Variants in PMPCA observed in about 807,000 individuals in gnomAD.
The protein encoded by PMPCA is mitochondrial-processing peptidase subunit alpha.
PMPCA carries 47 observed loss-of-function variants against 59.3 expected under a neutral mutation model. The ratio of observed to expected loss-of-function variants is 0.79; its 90% CI spans 0.63 to 1.01. PMPCA has a LOEUF of 1.01. Ranked by LOEUF, PMPCA falls within the 50% of genes least tolerant of loss-of-function variation. PMPCA has a pLI of 0.00. For missense variants in PMPCA, 726 were observed against 704.5 expected, an observed-to-expected ratio of 1.03 and a Z score of -0.34; for synonymous variants, 338 against 290.3, an observed-to-expected ratio of 1.16 and a Z score of -1.67.
At chr9:136,416,664 C>T in intron 6 of PMPCA, 2 of 593,462 alleles carry the variant, frequency 3.4e-6, no homozygotes, top group Non-Finnish European at 6.0e-6. Context: ...TTCTTGATTT[C>T]TGAGTCTGCT....
At chr9:136,412,220 G>A (rs772144871) in intron 2 of PMPCA, 21 bp downstream of exon 2, 18 of 1,566,300 alleles carry the variant, frequency 1.1e-5, no homozygotes, top group Admixed American at 6.7e-5. Context: ...TTGTGTTGTC[G>A]TGGGTGGTCC....
chr9:136,420,032 G>T (rs956966181), intron 11 of PMPCA: 3 of 150,380 alleles, frequency 2.0e-5, no homozygotes, highest in African/African-American at 7.4e-5. Flanking sequence ...AGGCTGGAGT[G>T]CAGTGGCATG....
chr9:136,422,025 T>C, intron 12 of PMPCA, 49 bp downstream of exon 12: 2 of 1,569,602 alleles, frequency 1.3e-6, no homozygotes, highest in Non-Finnish European at 1.7e-6. Flanking sequence ...TCGGCCAGGC[T>C]CAGAGGAGGC....
intron 11 of PMPCA, chr9:136,419,884 C>T (rs902264310): frequency 4.6e-5 from 7 of 152,066 alleles, no homozygotes; most frequent in African/African-American, 1.4e-4. Flanking sequence ...CACCATGCGT[C>T]CCTGTTTACT....
At position 136,423,315 on chromosome 9, in the gene PMPCA, C is replaced by G. The variant is rs759794312; in HGVS notation, c.*51C>G. On this transcript the variant is annotated 3_prime_UTR_variant, in exon 13 of 13. Transcript: ENST00000371717. ...AGGGAGCTGCAGCTGGAGCCCGTTC[C>G]CGTGCGTGTTAGTTTGGACACGAAT... 5.1e-6 allele frequency: 8 copies of G among 1,561,376 alleles called. No individual in the cohort carries two copies. In the South Asian group the frequency reaches 9.0e-5, roughly 18 times the overall value.
At chr9:136,417,933 C>A in intron 7 of PMPCA, 84 bp from the exon 8 acceptor site, 1 of 984,592 alleles carries the variant, frequency 1.0e-6, no homozygotes, top group Non-Finnish European at 1.6e-6. Flanking sequence ...TTCTGTGTAA[C>A]CACTCTGAAG....
rs559961748 is a variant in PMPCA, at chr9:136,412,186, T to C, written c.261T>C (p.Phe87=). 1.2e-6 allele frequency: 2 copies of C among 1,612,752 alleles called. No homozygotes were observed. Among genetic ancestry groups the C allele is most frequent in the African/African-American group, 1.3e-5 (1 of 75,032 alleles). Residue 87 remains phenylalanine (F), a synonymous_variant, in exon 2 of 13, where the codon TTT becomes TTC. Coordinates refer to ENST00000371717, the MANE Select transcript of PMPCA (RefSeq NM_015160.3). ...RVASQNKFGQ[F]CTVGILINSG... is the part of the protein sequence containing the mutation. The stretch of plus-strand genomic sequence containing the variant: ...CATCTCAGAATAAGTTTGGACAGTT[T>C]TGTACAGTAGGAAGTAAGTACTGTT...
At chr9:136,418,380 C>T (rs1168346304) in intron 8 of PMPCA, among the ~76,000 whole-genome samples, 175 bp from the exon 9 acceptor site, 3 of 150,094 alleles carry the variant, frequency 2.0e-5, no homozygotes, top group Non-Finnish European at 3.0e-5. Context: ...CATCCGACGG[C>T]GCTCCTGACG....
At chr9:136,414,668 C>T (rs771067274) in intron 5 of PMPCA, 21 bp downstream of exon 5, 7 of 1,520,922 alleles carry the variant, frequency 4.6e-6, no homozygotes, top group Admixed American at 3.3e-5. Context: ...CAGCCGCTGG[C>T]GTTTGAGGTG....
intron 11 of PMPCA, 31 bp downstream of exon 11, chr9:136,419,137 T>C: frequency 6.3e-7 from 1 of 1,591,322 alleles, no homozygotes; most frequent in East Asian, 2.2e-5. Context: ...TTTCCAGGCG[T>C]ACCTGTGGTG....
rs1029217648 is a variant in PMPCA at position 136,421,719 on chromosome 9, CCTTT to C, written c.1264-109_1264-106del. 1.9e-5 allele frequency: 20 copies of C among 1,051,306 alleles called. 1 individual carries two copies. Among genetic ancestry groups the C allele is most frequent in the African/African-American group, 3.2e-5 (2 of 63,176 alleles). The allele number at this position is 1,051,306 out of a possible 1,614,324, so 65.1% of individuals were successfully genotyped here. On this transcript the variant is annotated intron_variant, in intron 11 of 12. Coordinates refer to ENST00000371717, the MANE Select transcript of PMPCA (RefSeq NM_015160.3). Reference sequence around the variant, plus strand: ...GAGCCACTGCGCCCGGCTGCCCTTCCCTTTCTTATGTTCAGCTTTGGGCACAGAG... The same window carrying C: ...GAGCCACTGCGCCCGGCTGCCCTTCCCTTATGTTCAGCTTTGGGCACAGAG...
At chr9:136,417,630 A>G (rs1835319045) in intron 7 of PMPCA, among the ~76,000 whole-genome samples, 1 of 151,682 alleles carries the variant, frequency 6.6e-6, no homozygotes, top group South Asian at 2.1e-4. Flanking sequence ...GCCCGGCTAA[A>G]TTTTGTATAG....
chr9:136,418,438 C>T (rs1477038065), intron 8 of PMPCA, 117 bp from the exon 9 acceptor site: 11 of 731,026 alleles, frequency 1.5e-5, no homozygotes, highest in East Asian at 2.5e-5. Context: ...TGGCGTCCAG[C>T]GGCGCTCCTG....
chr9:136,410,834 C>A, intron 1 of PMPCA, 95 bp downstream of exon 1: 1 of 1,076,872 alleles, frequency 9.3e-7, no homozygotes, highest in Non-Finnish European at 1.2e-6. Context: ...GACATGGCGC[C>A]CGTGGGACGG....
Position 136,421,404 on chromosome 9 carries a change from G to GTTTTTTTGTTTTTTT in PMPCA, c.1264-421_1264-420insGTTTTTTTTTTTTTT, listed in dbSNP as rs780035978. Among the ~76,000 whole-genome samples the GTTTTTTTGTTTTTTT allele has an allele frequency of 7.6e-5, 9 of 118,008 alleles. 1 individual carries two copies. Among genetic ancestry groups the GTTTTTTTGTTTTTTT allele is most frequent in the East Asian group, 2.5e-4 (1 of 3,922 alleles). 77.4% of individuals were successfully genotyped at this position (118,008 alleles called of 152,430 possible). A position where few individuals can be genotyped will look rare whatever the true frequency, so the allele number is the denominator to read the frequency against. ...GCCTGTGACTTGGGCCTGGGTTCCC[G>GTTTTTTTGTTTTTTT]TTTTTTTTTTTTTTTTTTTTTTTGA... On this transcript the variant is annotated intron_variant, in intron 11 of 12. Coordinates refer to ENST00000371717, the MANE Select transcript of PMPCA (RefSeq NM_015160.3).
intron 5 of PMPCA, among the ~76,000 whole-genome samples, chr9:136,415,671 C>A (rs1182634518): frequency 6.6e-6 from 1 of 152,226 alleles, no homozygotes; most frequent in African/African-American, 2.4e-5. Context: ...CTGTCTCTGT[C>A]ACCCAGGCTG....
At chr9:136,416,863 GGCTGCAGATGGGCGCTGGT>G in intron 6 of PMPCA, 69 bp from the exon 7 acceptor site, 1 of 1,289,572 alleles carries the variant, frequency 7.8e-7, no homozygotes, top group Non-Finnish European at 1.1e-6. Flanking sequence ...TCCCAGGGCT[GGCTGCAGATGGGCGCTGGT>G]GCTGCTTGTT....
rs758657485 is a variant in PMPCA, at chr9:136,412,569, G to A, written c.354G>A (p.Ser118=). 5 of 1,533,002 alleles carry A rather than the reference G, an allele frequency of 3.3e-6. No homozygotes were observed. The highest frequency in any genetic ancestry group is 2.3e-5 in the South Asian group (2 of 88,246). 95.0% of individuals were successfully genotyped at this position (1,533,002 alleles called of 1,614,324 possible). A position where few individuals can be genotyped will look rare whatever the true frequency, so the allele number is the denominator to read the frequency against. Reference sequence around the variant, plus strand: ...ACTTTTTGGAAAAATTGGCATTTTCGGTCAGTACCCAGTTTTGTAATTTTT... The same window carrying A: ...ACTTTTTGGAAAAATTGGCATTTTCAGTCAGTACCCAGTTTTGTAATTTTT... ...IAHFLEKLAF[S]STARFDSKDE... is the part of the protein sequence containing the mutation. Residue 118 remains serine (S), a splice_region_variant and synonymous_variant, in exon 3 of 13, where the codon TCG becomes TCA. Transcript: ENST00000371717.
At chr9:136,422,545 T>C (rs1835487302) in intron 12 of PMPCA, 1 of 1,014,590 alleles carries the variant, frequency 9.9e-7, no homozygotes, top group Admixed American at 5.3e-5. Flanking sequence ...GGGCATCTCC[T>C]TTCCAGGCCT....
Sources: allele counts gnomAD v4.1 joint callset (sites outside exome capture counted in the v4.1 genomes callset), GRCh38; gene constraint gnomAD v4.1.1; transcripts MANE v1.5; gene names NCBI Gene and HGNC (gene_info 2026-07-23, HGNC 2026-07-21).